The following PCNT variants were observed in gnomAD, a reference collection of about 807,000 sequenced individuals.
PCNT encodes kendrin.
In PCNT, 319 loss-of-function variants were observed where a neutral mutation model predicts 380.4. The observed-to-expected ratio is 0.84, with a 90% CI of 0.77 to 0.92. The LOEUF is 0.92. Ranked by LOEUF, PCNT falls within the 40% of genes least tolerant of loss-of-function variation. The pLI, the probability that PCNT is intolerant of heterozygous loss-of-function variation, is 0.00. For synonymous variants in PCNT, 1,845 were observed against 1,735.2 expected, an observed-to-expected ratio of 1.06 and a Z score of -1.57; for missense variants, 4,400 against 4,255.3, an observed-to-expected ratio of 1.03 and a Z score of -0.95.
In PCNT at chr21:46,388,698, A is replaced by G; in HGVS notation, c.3465-44A>G. 1.9e-6 allele frequency: 3 copies of G among 1,611,160 alleles called. No individual in the cohort carries two copies. The South Asian group carries it at 3.3e-5, about 18-fold the overall frequency. ...AGCAGCATCCAGGGTGGGGGTTCTT[A>G]TGCCGTGACCAGCTTGCCTGATGAT... On this transcript the variant is annotated intron_variant, in intron 17 of 46. Transcript: ENST00000359568. The surrounding 1 kb of genome is among the most constrained non-coding windows in gnomAD (Gnocchi z 4.2).
At chr21:46,324,974 G>A (rs1386322031) in intron 1 of PCNT, 1 of 878,548 alleles carries the variant, frequency 1.1e-6, no homozygotes, top group Non-Finnish European at 1.3e-6. Context: ...CGTCCTGCCC[G>A]TCCGGGCCTG....
intron 27 of PCNT, among the ~76,000 whole-genome samples, chr21:46,408,943 C>G (rs901898692): frequency 6.6e-6 from 1 of 151,802 alleles, no homozygotes; most frequent in Non-Finnish European, 1.5e-5. Flanking sequence ...AGGCTGGTCT[C>G]GAACTCTTGA....
At chr21:46,351,190 T>C (rs1484142804) in intron 8 of PCNT, among the ~76,000 whole-genome samples, 1 of 152,158 alleles carries the variant, frequency 6.6e-6, no homozygotes, top group Non-Finnish European at 1.5e-5. Context: ...GAGACAGACC[T>C]GGAAGTTCCT....
At chr21:46,440,284 A>C (rs2148083689) in intron 42 of PCNT, 82 bp downstream of exon 42, 1 of 1,482,554 alleles carries the variant, frequency 6.7e-7, no homozygotes, top group East Asian at 2.3e-5. Flanking sequence ...CATTTTTGTG[A>C]CCACAAGGTT....
chr21:46,335,066 A>G (rs1157016767), intron 3 of PCNT, among the ~76,000 whole-genome samples: 1 of 152,180 alleles, frequency 6.6e-6, no homozygotes, highest in Non-Finnish European at 1.5e-5. Flanking sequence ...ATTGAAGAGA[A>G]GCCACCCTTC....
intron 38 of PCNT, among the ~76,000 whole-genome samples, chr21:46,434,834 G>A (rs991416224): frequency 4.1e-4 from 63 of 152,338 alleles, no homozygotes; most frequent in African/African-American, 1.4e-3. Context: ...ATGTTGGTAT[G>A]AGCGTCTGGG....
In PCNT at chr21:46,326,594, ATTT is replaced by A; in HGVS notation, c.267+6_267+8del. 1 of 1,612,558 alleles carries A rather than the reference ATTT, an allele frequency of 6.2e-7. No homozygotes were observed. The highest frequency in any genetic ancestry group is 8.5e-7 in the Non-Finnish European group (1 of 1,178,628). On this transcript the variant is annotated splice_donor_region_variant and intron_variant, in intron 2 of 46. Transcript: ENST00000359568. ...GGAGGGGCCTTTGCAGCTCAGGTAG[ATTT>A]GCTCAATGTTGTATTTGAACATTTC... is the stretch of plus-strand genomic sequence containing the variant.
intron 32 of PCNT, among the ~76,000 whole-genome samples, chr21:46,423,462 A>T (rs139918170): frequency 2.4e-4 from 36 of 151,978 alleles, no homozygotes; most frequent in African/African-American, 8.2e-4. Flanking sequence ...AGGTGCTGGG[A>T]TTACAGTGTG....
rs747436234 is a variant in PCNT at position 46,366,912 on chromosome 21, C to T, written c.2938C>T (p.Gln980Ter). The change falls in exon 15 of 47, where the codon CAG becomes TAG. Residue 980 changes from glutamine to a stop codon, truncating the protein, a stop_gained. Transcript: ENST00000359568. LOFTEE classifies it high-confidence loss of function. ...SLESCYLSEF[Q>*]TIREEHRQAL... ...GGAATCCTGTTACCTCTCTGAATTT[C>T]AGACCATCCGTGAGGAGCACAGGCA... 1 of 1,614,118 alleles carries T rather than the reference C, an allele frequency of 6.2e-7. No individual in the cohort carries two copies.
rs142791157 is a variant in PCNT, at chr21:46,363,539, T to C, written c.2214T>C (p.Thr738=). ...AACTAAATAATGCTAAGCAAAAGACTGAGCTGATGAAACAGGAATTCCAAA... is the reference window on the plus strand; with the variant it reads ...AACTAAATAATGCTAAGCAAAAGACCGAGCTGATGAAACAGGAATTCCAAA... ...QKELNNAKQK[T]ELMKQEFQRK... Residue 738 remains threonine, a synonymous_variant, in exon 14 of 47, where the codon ACT becomes ACC. Coordinates refer to ENST00000359568, the MANE Select transcript of PCNT (RefSeq NM_006031.6). 3 of 1,613,958 alleles carry C rather than the reference T, an allele frequency of 1.9e-6. No individual in the cohort carries two copies. Among genetic ancestry groups the C allele is most frequent in the Non-Finnish European group, 2.5e-6 (3 of 1,179,956 alleles).
intron 15 of PCNT, among the ~76,000 whole-genome samples, chr21:46,371,852 GCACACAGCATGTGTGCACA>G (rs1347059137): frequency 6.9e-6 from 1 of 145,766 alleles, no homozygotes; most frequent in Non-Finnish European, 1.5e-5. Flanking sequence ...CAGCACATGT[GCACACAGCATGTGTGCACA>G]CACACAGCAC....
At chr21:46,361,202 T>C (rs538016909) in intron 13 of PCNT, among the ~76,000 whole-genome samples, 66 of 152,214 alleles carry the variant, frequency 4.3e-4, no homozygotes, top group African/African-American at 1.5e-3. Context: ...CTGGCCAACA[T>C]GGGGAAACCC....
intron 32 of PCNT, among the ~76,000 whole-genome samples, chr21:46,424,711 T>TGC (rs1381084562): frequency 1.3e-4 from 1 of 7,560 alleles, no homozygotes; most frequent in African/African-American, 6.9e-4. Context: ...CTGCTCCCAC[T>TGC]GCGCCCCCCC....
chr21:46,398,375 G>C, intron 24 of PCNT, 120 bp downstream of exon 24: 2 of 1,046,158 alleles, frequency 1.9e-6, no homozygotes, highest in South Asian at 2.7e-5. Flanking sequence ...GCAGCCATCT[G>C]CTTTCTCTTG....
chr21:46,373,387 A>G (rs535901605), intron 15 of PCNT, among the ~76,000 whole-genome samples: 1 of 151,272 alleles, frequency 6.6e-6, no homozygotes, highest in Admixed American at 6.6e-5. Flanking sequence ...TGCGCGAGTA[A>G]GTTAGCTTTT....
Position 46,390,713 on chromosome 21 carries a change from T to C in PCNT, c.3884T>C (p.Phe1295Ser). The C allele has an allele frequency of 6.2e-7, 1 of 1,614,050 alleles. No homozygotes were observed. The highest frequency in any genetic ancestry group is 8.5e-7 in the Non-Finnish European group (1 of 1,180,014). ...RQIHSRFEKE[F>S]SFKNEETAQV... ...ATTCATTCTCGTTTTGAAAAAGAAT[T>C]TAGTTTTAAGAATGAGGAGACAGCA... The change falls in exon 20 of 47, where the codon TTT becomes TCT. Residue 1295 changes from phenylalanine (F) to serine (S), a missense_variant. Phe to Ser is a radical substitution (Grantham distance 155). Transcript: ENST00000359568.
At position 46,421,864 on chromosome 21, in the gene PCNT, C is replaced by T. The variant is rs2087265244; in HGVS notation, c.7025-106C>T. The T allele has an allele frequency of 8.9e-6, 11 of 1,240,382 alleles. No homozygotes were observed. In the South Asian group the frequency reaches 9.3e-5, roughly 11 times the overall value. 76.8% of individuals were successfully genotyped at this position (1,240,382 alleles called of 1,614,324 possible). On this transcript the variant is annotated intron_variant, in intron 31 of 46. Transcript: ENST00000359568. ...GTGAGCAGAATCACGGTGTGGTTGT[C>T]GCTGGGGACTGCGGGCCGATCACCC... is the stretch of plus-strand genomic sequence containing the variant.
chr21:46,362,966 T>C (rs2084771831), intron 13 of PCNT, among the ~76,000 whole-genome samples: 3 of 152,200 alleles, frequency 2.0e-5, no homozygotes, highest in Non-Finnish European at 4.4e-5. Context: ...CATCCACCCC[T>C]TGCTCAAGGT....
Position 46,421,956 on chromosome 21 carries a change from T to G in PCNT, c.7025-14T>G, listed in dbSNP as rs1435241947. The G allele has an allele frequency of 1.2e-6, 2 of 1,613,548 alleles. No individual in the cohort carries two copies. The highest frequency in any genetic ancestry group is 1.7e-6 in the Non-Finnish European group (2 of 1,179,672). ...AGAGCTGTGGGTGGGACCCTGACCC[T>G]GTGGTGTTTTTAGGTGACGGCTCGG... On this transcript the variant is annotated splice_polypyrimidine_tract_variant and intron_variant, in intron 31 of 46. Coordinates refer to ENST00000359568, the MANE Select transcript of PCNT (RefSeq NM_006031.6).
Sources: allele counts gnomAD v4.1 joint callset (sites outside exome capture counted in the v4.1 genomes callset), GRCh38; gene constraint gnomAD v4.1.1; non-coding constraint Gnocchi (gnomAD v3.1); transcripts MANE v1.5; gene names NCBI Gene and HGNC (gene_info 2026-07-23, HGNC 2026-07-21).